The following HDAC1 variants were observed in gnomAD, a reference collection of about 807,000 sequenced individuals.
The protein encoded by HDAC1 is protein deacetylase HDAC1.
HDAC1 carries 18 observed loss-of-function variants against 65.5 expected under a neutral mutation model. The ratio of observed to expected loss-of-function variants is 0.27; its 90% CI spans 0.19 to 0.41. HDAC1 has a LOEUF of 0.41. HDAC1 is among the 10% of genes least tolerant of loss of function. The probability of loss-of-function intolerance (pLI) is 1.00; values close to 1 mark genes in which losing one functional copy is unlikely to be tolerated. For synonymous variants in HDAC1, 211 were observed against 227.9 expected, an observed-to-expected ratio of 0.93 and a Z score of 0.67; for missense variants, 373 against 625.2, an observed-to-expected ratio of 0.60 and a Z score of 4.30.
At chr1:32,295,952 T>C (rs899582847) in intron 1 of HDAC1, among the ~76,000 whole-genome samples, 2 of 152,160 alleles carry the variant, frequency 1.3e-5, no homozygotes, top group South Asian at 2.1e-4. Flanking sequence ...CAATAAGTTA[T>C]ATAGAATTCC....
In HDAC1 at chr1:32,331,194, T is replaced by A. The variant is rs978153697; in HGVS notation, c.980-280T>A. Among the ~76,000 whole-genome samples the A allele has an allele frequency of 1.3e-5, 2 of 152,028 alleles. No homozygotes were observed. Among genetic ancestry groups the A allele is most frequent in the Admixed American group, 6.5e-5 (1 of 15,268 alleles). Reference sequence around the variant, plus strand: ...TCTGTAGAGTAACTGGAGTAGCGAGTGAAGGGAGCGCTCATAATGAGCATG... The same window carrying A: ...TCTGTAGAGTAACTGGAGTAGCGAGAGAAGGGAGCGCTCATAATGAGCATG... On this transcript the variant is annotated intron_variant, in intron 9 of 13. Transcript: ENST00000373548. This position sits in a 1 kb window ranked among gnomAD's most constrained non-coding sequence, Gnocchi z 4.2.
At chr1:32,296,052 A>G (rs1640763337) in intron 1 of HDAC1, among the ~76,000 whole-genome samples, 1 of 152,184 alleles carries the variant, frequency 6.6e-6, no homozygotes, top group Non-Finnish European at 1.5e-5. Context: ...CACTGTGTAG[A>G]GGAATTGCCC....
At chr1:32,322,228 C>T (rs975654280) in intron 3 of HDAC1, among the ~76,000 whole-genome samples, 26 of 152,070 alleles carry the variant, frequency 1.7e-4, no homozygotes, top group Non-Finnish European at 1.5e-5. Context: ...CAGCCCCACA[C>T]CTCCTGCCTC....
chr1:32,326,235 A>G (rs933907491), intron 4 of HDAC1, among the ~76,000 whole-genome samples: 1 of 150,512 alleles, frequency 6.6e-6, no homozygotes, highest in East Asian at 2.0e-4. Flanking sequence ...ATCTTGGCTC[A>G]CTGCAACCTC....
intron 2 of HDAC1, among the ~76,000 whole-genome samples, chr1:32,311,444 G>A (rs1640989744): frequency 6.6e-6 from 1 of 152,146 alleles, no homozygotes; most frequent in South Asian, 2.1e-4. Flanking sequence ...TCCAGCCTGG[G>A]TGACAGAGTG....
At position 32,299,502 on chromosome 1, in the gene HDAC1, C is replaced by T. The variant is rs1640816335; in HGVS notation, c.50-3119C>T. ...CCCTCACCTCAGATACTCCCTTAAC[C>T]TTCTGGATAAGATATCTTAGTCCCC... On this transcript the variant is annotated intron_variant, in intron 1 of 13. Coordinates refer to ENST00000373548, the MANE Select transcript of HDAC1 (RefSeq NM_004964.3). Among the ~76,000 whole-genome samples the T allele has an allele frequency of 3.9e-5, 6 of 152,194 alleles. No individual in the cohort carries two copies. The South Asian group carries it at 1.2e-3, about 31-fold the overall frequency.
intron 2 of HDAC1, among the ~76,000 whole-genome samples, chr1:32,312,339 G>T (rs1230477552): frequency 6.6e-6 from 1 of 151,872 alleles, no homozygotes; most frequent in Non-Finnish European, 1.5e-5. Context: ...GTGAAATAAG[G>T]ATAATAATAG....
intron 2 of HDAC1, among the ~76,000 whole-genome samples, chr1:32,306,998 C>T (rs1640919798): frequency 6.6e-6 from 1 of 152,196 alleles, no homozygotes; most frequent in Non-Finnish European, 1.5e-5. Context: ...GTAATCCCAG[C>T]ACTTTGGGAG....
At position 32,292,106 on chromosome 1, in the gene HDAC1, T is replaced by G; in HGVS notation, c.-64T>G. ...GCCCCCTCCCCCCTGGGTCGGACGC[T>G]GAGCGGAGCCGCGGGCGGGAGGGCG... On this transcript the variant is annotated 5_prime_UTR_variant, in exon 1 of 14. Coordinates refer to ENST00000373548, the MANE Select transcript of HDAC1 (RefSeq NM_004964.3). The G allele has an allele frequency of 6.6e-7, 1 of 1,505,928 alleles. No individual in the cohort carries two copies. The highest frequency in any genetic ancestry group is 9.0e-7 in the Non-Finnish European group (1 of 1,110,324). The allele number at this position is 1,505,928 out of a possible 1,614,324, so 93.3% of individuals were successfully genotyped here. A position where few individuals can be genotyped will look rare whatever the true frequency, so the allele number is the denominator to read the frequency against.
chr1:32,325,029 C>T (rs563729947), intron 4 of HDAC1, among the ~76,000 whole-genome samples: 1 of 152,290 alleles, frequency 6.6e-6, no homozygotes, highest in East Asian at 1.9e-4. Flanking sequence ...CAGGTTCAAT[C>T]TCTGACATGG....
intron 1 of HDAC1, among the ~76,000 whole-genome samples, chr1:32,299,915 G>A (rs1197686871): frequency 2.0e-5 from 3 of 152,130 alleles, no homozygotes; most frequent in South Asian, 2.1e-4. Context: ...AAAATTAGCC[G>A]GGCTTGATGG....
intron 2 of HDAC1, among the ~76,000 whole-genome samples, chr1:32,304,624 C>T (rs1417249527): frequency 6.6e-6 from 1 of 151,696 alleles, no homozygotes. Flanking sequence ...GACTAGAGTG[C>T]AGTGGTGCAA....
At chr1:32,309,681 A>G (rs1202535540) in intron 2 of HDAC1, among the ~76,000 whole-genome samples, 5 of 115,412 alleles carry the variant, frequency 4.3e-5, no homozygotes, top group Admixed American at 1.6e-4. Flanking sequence ...AGCGAGTCTC[A>G]AAAAAAAAAA....
Position 32,332,340 on chromosome 1 carries a change from C to T in HDAC1, c.1372+98C>T, listed in dbSNP as rs951386135. 8.9e-6 allele frequency: 10 copies of T among 1,120,462 alleles called. No individual in the cohort carries two copies. In the Admixed American group the frequency reaches 9.1e-5, roughly 10 times the overall value. The allele number at this position is 1,120,462 out of a possible 1,614,324, so 69.4% of individuals were successfully genotyped here. ...GGAGTGACTCAGGCCCTGCCAGCTC[C>T]TGTGGGGCTCTTCCTCAGTTCCTTG... On this transcript the variant is annotated intron_variant, in intron 12 of 13. Transcript: ENST00000373548.
rs2148073614 is a variant in HDAC1, at chr1:32,332,134, G to A, written c.1264G>A (p.Asp422Asn). 6.2e-7 allele frequency: 1 copy of A among 1,612,346 alleles called. No individual in the cohort carries two copies. The highest frequency in any genetic ancestry group is 2.2e-5 in the East Asian group (1 of 44,852). The change falls in exon 12 of 14, where the codon GAT (aspartate) becomes AAT (asparagine). Residue 422 changes from aspartate (D) to asparagine (N), a missense_variant. Asp to Asn is a conservative substitution (Grantham distance 23). This residue lies in a region of HDAC1 where 126 missense variants were observed against 126.2 expected (regional missense o/e 1.00). Transcript: ENST00000373548. ...AATTGCCTGTGAGGAAGAGTTCTCC[G>A]ATTCTGAAGAGGAGGGAGAGGGGGG... ...KRIACEEEFS[D>N]SEEEGEGGRK...
chr1:32,322,307 C>T lies in HDAC1; in HGVS notation c.281-2172C>T, dbSNP rs185935504. Among the ~76,000 whole-genome samples the T allele has an allele frequency of 7.3e-5, 11 of 151,230 alleles. No individual in the cohort carries two copies. In the East Asian group the frequency reaches 1.4e-3, roughly 19 times the overall value. On this transcript the variant is annotated intron_variant, in intron 3 of 13. Transcript: ENST00000373548. The stretch of plus-strand genomic sequence containing the variant: ...TTTTTTTTCTCCTGAGATGGAGTCT[C>T]GCCCTGTCACCCAGGCTGGAATGCA...
intron 2 of HDAC1, among the ~76,000 whole-genome samples, chr1:32,307,281 G>A (rs1640925230): frequency 6.6e-6 from 1 of 152,106 alleles, no homozygotes; most frequent in Non-Finnish European, 1.5e-5. Context: ...TCCTACTGTA[G>A]ATCTTAGCTC....
At chr1:32,296,387 C>T (rs1305871845) in intron 1 of HDAC1, among the ~76,000 whole-genome samples, 2 of 151,912 alleles carry the variant, frequency 1.3e-5, no homozygotes, top group African/African-American at 4.8e-5. Context: ...TTTTTGGAGA[C>T]AGGGCCTCAC....
At chr1:32,323,811 C>G (rs1641181144) in intron 3 of HDAC1, among the ~76,000 whole-genome samples, 1 of 152,182 alleles carries the variant, frequency 6.6e-6, no homozygotes, top group African/African-American at 2.4e-5. Flanking sequence ...TGTACGTGCG[C>G]AGTGAACGAT....
Sources: gnomAD v4.1 joint callset for allele counts (sites outside exome capture counted in the v4.1 genomes callset) on GRCh38, gnomAD v4.1.1 for gene constraint, gnomAD v4.1.1 regional missense constraint, Gnocchi (gnomAD v3.1) non-coding constraint, MANE v1.5 for transcripts, NCBI Gene and HGNC (gene_info 2026-07-23, HGNC 2026-07-21) for gene names.